TMCO4: variants seen among roughly 807,000 people sequenced by gnomAD.
The protein encoded by TMCO4 is transmembrane and coiled-coil domain-containing protein 4.
TMCO4 carries 58 observed loss-of-function variants against 64.7 expected under a neutral mutation model. The observed-to-expected ratio is 0.90, with a 90% CI of 0.73 to 1.12. TMCO4 has a LOEUF of 1.12. Ranked by LOEUF, TMCO4 falls within the 50% of genes most tolerant of loss-of-function variation. The pLI, the probability that TMCO4 is intolerant of heterozygous loss-of-function variation, is 0.00. For missense variants in TMCO4, 780 were observed against 825.9 expected (o/e 0.94, Z 0.68); for synonymous variants, 325 against 346.1 (o/e 0.94, Z 0.68).
At chr1:19,764,237 G>T (rs1250808142) in intron 6 of TMCO4, among the ~76,000 whole-genome samples, 1 of 152,186 alleles carries the variant, frequency 6.6e-6, no homozygotes, top group Non-Finnish European at 1.5e-5. Flanking sequence ...GGTGGACTCA[G>T]GAGCCCCGGG....
intron 10 of TMCO4, among the ~76,000 whole-genome samples, chr1:19,741,508 C>T (rs1246751222): frequency 6.6e-6 from 1 of 152,074 alleles, no homozygotes; most frequent in East Asian, 1.9e-4. Context: ...TTTTCTGAGC[C>T]TCAATTTTCT....
rs1371732644 is a variant in TMCO4, at chr1:19,799,856, T to G, written c.-181A>C. On this transcript the variant is annotated splice_region_variant and 5_prime_UTR_variant, in exon 1 of 16. Transcript: ENST00000294543. ...GCGGCTCCTCCGGGGCCCCCTTACCTGGAGGCGGCTGCGAAGGCAAAGGCG... is the reference window on the plus strand; with the variant it reads ...GCGGCTCCTCCGGGGCCCCCTTACCGGGAGGCGGCTGCGAAGGCAAAGGCG... The G allele has an allele frequency of 2.6e-5, 4 of 151,828 alleles. No homozygotes were observed. Among genetic ancestry groups the G allele is most frequent in the African/African-American group, 9.7e-5 (4 of 41,312 alleles). 9.4% of individuals were successfully genotyped at this position (151,828 alleles called of 1,614,324 possible).
At chr1:19,706,860 AT>A (rs1405967722) in intron 13 of TMCO4, among the ~76,000 whole-genome samples, 1 of 152,228 alleles carries the variant, frequency 6.6e-6, no homozygotes, top group Non-Finnish European at 1.5e-5. Flanking sequence ...ATTCTCAGTC[AT>A]AGGCATGAGA....
At chr1:19,792,762 TCA>T (rs1356704401) in intron 2 of TMCO4, among the ~76,000 whole-genome samples, 11 of 113,032 alleles carry the variant, frequency 9.7e-5, no homozygotes, top group African/African-American at 3.3e-4. Context: ...AAGGTCAAGG[TCA>T]ATTTTTTTTT....
chr1:19,688,242 T>C (rs964140164), intron 15 of TMCO4, among the ~76,000 whole-genome samples: 1 of 152,060 alleles, frequency 6.6e-6, no homozygotes, highest in Non-Finnish European at 1.5e-5. Flanking sequence ...CCTGATAAAC[T>C]GAGCGCAGGG....
At position 19,756,955 on chromosome 1, in the gene TMCO4, G is replaced by A. The variant is rs144226579; in HGVS notation, c.383-1189C>T. Among the ~76,000 whole-genome samples the A allele has an allele frequency of 4.7e-3, 719 of 152,108 alleles. 6 individuals are homozygous for A. Among genetic ancestry groups the A allele is most frequent in the Non-Finnish European group, 7.1e-3 (486 of 67,988 alleles). ...GCATAGAAGAGTGACTTGATAATAC[G>A]TCATGGGGTCCCAACTAAGAAACAA... On this transcript the variant is annotated intron_variant, in intron 6 of 15. Coordinates refer to ENST00000294543, the MANE Select transcript of TMCO4 (RefSeq NM_181719.7).
chr1:19,703,637 C>G (rs2095286952), intron 13 of TMCO4, among the ~76,000 whole-genome samples: 1 of 151,444 alleles, frequency 6.6e-6, no homozygotes, highest in African/African-American at 2.4e-5. Context: ...AAATTCCACC[C>G]CCCAGGTTCA....
chr1:19,747,709 T>C (rs911217636), intron 7 of TMCO4, among the ~76,000 whole-genome samples: 3 of 152,176 alleles, frequency 2.0e-5, no homozygotes, highest in Non-Finnish European at 4.4e-5. Context: ...AATGATCATT[T>C]TGAAGATGGG....
intron 10 of TMCO4, among the ~76,000 whole-genome samples, chr1:19,742,268 C>T (rs757571101): frequency 2.6e-5 from 4 of 152,190 alleles, no homozygotes; most frequent in Non-Finnish European, 5.9e-5. Flanking sequence ...ATTTATGCAT[C>T]CTGTTTGACG....
In TMCO4 at chr1:19,780,693, T is replaced by G; in HGVS notation, c.66A>C (p.Ala22=). 6.2e-7 allele frequency: 1 copy of G among 1,613,600 alleles called. No individual in the cohort carries two copies. The highest frequency in any genetic ancestry group is 8.5e-7 in the Non-Finnish European group (1 of 1,179,920). ...CCGTGGGCAGGTGTGGCTCCCCCTC[T>G]GCAGTGGGCTCAGCTACCAGAGGCT... The part of the protein sequence containing the change: ...PQQPLVAEPT[A]EGEPHLPTGR... The change falls in exon 4 of 16, where the codon GCA becomes GCC. Residue 22 remains alanine (A), a synonymous_variant. Coordinates refer to ENST00000294543, the MANE Select transcript of TMCO4 (RefSeq NM_181719.7).
intron 15 of TMCO4, among the ~76,000 whole-genome samples, chr1:19,686,745 G>A (rs1384454240): frequency 6.6e-6 from 1 of 152,138 alleles, no homozygotes; most frequent in Non-Finnish European, 1.5e-5. Context: ...TGAAAAGCTG[G>A]GGTACCAGCC....
chr1:19,720,210 C>T (rs1448399704), intron 13 of TMCO4, among the ~76,000 whole-genome samples: 1 of 151,930 alleles, frequency 6.6e-6, no homozygotes, highest in Non-Finnish European at 1.5e-5. Context: ...GCTATGCTGG[C>T]CATGGTGGTC....
In TMCO4 at chr1:19,691,111, G is replaced by A. The variant is rs1248158881; in HGVS notation, c.1500+3323C>T. ...TCTCGATCTCCTGACCTCGTGATCT[G>A]CCCGCCTTGGCCTCCCAAAGTGCTG... is the stretch of plus-strand genomic sequence containing the variant. On this transcript the variant is annotated intron_variant, in intron 15 of 15. Transcript: ENST00000294543. 1.3e-4 allele frequency among the ~76,000 whole-genome samples: 20 copies of A among 152,020 alleles called. 1 individual carries two copies. Among genetic ancestry groups the A allele is most frequent in the Non-Finnish European group, 2.9e-5 (2 of 67,994 alleles).
At position 19,746,542 on chromosome 1, in the gene TMCO4, C is replaced by A. The variant is rs761554657; in HGVS notation, c.671G>T (p.Gly224Val). 15 of 1,611,760 alleles carry A rather than the reference C, an allele frequency of 9.3e-6. No individual in the cohort carries two copies. In the South Asian group the frequency reaches 1.5e-4, roughly 17 times the overall value. The change falls in exon 9 of 16, where the codon GGC (glycine) becomes GTC (valine). Residue 224 changes from glycine (G) to valine (V), a missense_variant. Transcript: ENST00000294543. ...GCCCAGAGCCGCTGCCCCGGCGCTG[C>A]CAATAATCGTCGCTGCTCCAGCGGC... is the stretch of plus-strand genomic sequence containing the variant. ...LVAAGAATII[G>V]SAGAAALGSA...
rs750672602 is a variant in TMCO4 at position 19,694,465 on chromosome 1, C to T, written c.1469G>A (p.Arg490Lys). The T allele has an allele frequency of 1.9e-6, 3 of 1,614,150 alleles. No homozygotes were observed. The highest frequency in any genetic ancestry group is 2.5e-6 in the Non-Finnish European group (3 of 1,179,984). The change falls in exon 15 of 16, where the codon AGG becomes AAG. Residue 490 changes from arginine (R) to lysine (K), a missense_variant. Arg to Lys is a conservative substitution (Grantham distance 26, BLOSUM62 2). Coordinates refer to ENST00000294543, the MANE Select transcript of TMCO4 (RefSeq NM_181719.7). Reference sequence around the variant, plus strand: ...GGTCAGGTCCACGTTCTCCACCCTCCTGTCCTGCAGCAGCACGGGCTGTAG... The same window carrying T: ...GGTCAGGTCCACGTTCTCCACCCTCTTGTCCTGCAGCAGCACGGGCTGTAG... ...AGLQPVLLQD[R>K]RVENVDLTSV...
chr1:19,766,047 C>A (rs1367764387), intron 6 of TMCO4, among the ~76,000 whole-genome samples: 1 of 152,176 alleles, frequency 6.6e-6, no homozygotes, highest in Non-Finnish European at 1.5e-5. Flanking sequence ...CTCCATCCAA[C>A]AAGTACCAAG....
intron 3 of TMCO4, among the ~76,000 whole-genome samples, chr1:19,786,562 G>A (rs1285563194): frequency 6.6e-6 from 1 of 152,214 alleles, no homozygotes; most frequent in Non-Finnish European, 1.5e-5. Context: ...ATGGGTGGGC[G>A]TGAAGAAATG....
intron 13 of TMCO4, among the ~76,000 whole-genome samples, chr1:19,706,775 G>A (rs966784792): frequency 1.3e-5 from 2 of 152,086 alleles, no homozygotes; most frequent in Non-Finnish European, 2.9e-5. Context: ...GAAAAAAAAT[G>A]TTTCTTTCCA....
At chr1:19,686,486 C>G (rs999944374) in intron 15 of TMCO4, among the ~76,000 whole-genome samples, 1 of 152,218 alleles carries the variant, frequency 6.6e-6, no homozygotes, top group African/African-American at 2.4e-5. Context: ...TTCAAAAACA[C>G]GAAAAGACAA....
Sources: allele counts gnomAD v4.1 joint callset (sites outside exome capture counted in the v4.1 genomes callset), GRCh38; gene constraint gnomAD v4.1.1; transcripts MANE v1.5; gene names NCBI Gene and HGNC (gene_info 2026-07-23, HGNC 2026-07-21).